The following PSD variants were observed in gnomAD, a reference collection of about 807,000 sequenced individuals.
The protein encoded by PSD is PH and SEC7 domain-containing protein 1.
Under a neutral mutation model 91.6 loss-of-function variants are expected in PSD, and 32 were observed. The ratio of observed to expected loss-of-function variants is 0.35; its 90% CI spans 0.26 to 0.47. The LOEUF is 0.47. PSD is among the 20% of genes least tolerant of loss of function. PSD has a pLI of 1.00. For missense variants in PSD, 1,099 were observed against 1,373.9 expected (o/e 0.80, Z 3.16); for synonymous variants, 532 against 569.3 (o/e 0.93, Z 0.93).
rs577583304 is a variant in PSD at position 102,414,844 on chromosome 10, C to T, written c.1124+19G>A. 2.7e-5 allele frequency: 40 copies of T among 1,487,916 alleles called. No homozygotes were observed. Among genetic ancestry groups the T allele is most frequent in the Non-Finnish European group, 3.3e-5 (37 of 1,123,648 alleles). The allele number at this position is 1,487,916 out of a possible 1,614,324, so 92.2% of individuals were successfully genotyped here. ...AGCCGCTTCCCTCTCCCACTTCCCC[C>T]TCCCACTTCCCCACTCACCGGGCCC... On this transcript the variant is annotated intron_variant, in intron 4 of 16. Transcript: ENST00000020673. The surrounding 1 kb of genome is among the most constrained non-coding windows in gnomAD (Gnocchi z 5.6).
chr10:102,415,274 G>C, intron 3 of PSD, 45 bp from the exon 4 acceptor site: 1 of 1,544,130 alleles, frequency 6.5e-7, no homozygotes, highest in Non-Finnish European at 8.7e-7. Context: ...ATCCACGTCA[G>C]CTCCCTGTCC....
chr10:102,418,903 C>A, upstream of PSD: 1 of 350,018 alleles, frequency 2.9e-6, no homozygotes, highest in Non-Finnish European at 5.8e-6. Flanking sequence ...AGGCTGCCAG[C>A]CCCCCTTGTC....
chr10:102,416,312 A>T lies in PSD; in HGVS notation c.654+73T>A. ...AAGGATTCAGAGTGAACAGCAGACA[A>T]GCCCATGTCTGACAGGAGGCTGAGC... is the stretch of plus-strand genomic sequence containing the variant. On this transcript the variant is annotated intron_variant, in intron 2 of 16. Coordinates refer to ENST00000020673, the MANE Select transcript of PSD (RefSeq NM_002779.5). This position sits in a 1 kb window ranked among gnomAD's most constrained non-coding sequence, Gnocchi z 6.0. The T allele has an allele frequency of 6.7e-7, 1 of 1,491,486 alleles. No individual in the cohort carries two copies. Among genetic ancestry groups the T allele is most frequent in the Non-Finnish European group, 9.1e-7 (1 of 1,096,772 alleles). The allele number at this position is 1,491,486 out of a possible 1,614,324, so 92.4% of individuals were successfully genotyped here. A position where few individuals can be genotyped will look rare whatever the true frequency, so the allele number is the denominator to read the frequency against.
In PSD at chr10:102,404,976, C is replaced by T. The variant is rs1483046473; in HGVS notation, c.2477G>A (p.Arg826His). The T allele has an allele frequency of 3.7e-6, 6 of 1,613,946 alleles. No individual in the cohort carries two copies. Among genetic ancestry groups the T allele is most frequent in the African/African-American group, 1.3e-5 (1 of 74,904 alleles). ...AISIHHALATRASDYSKRPHV... is the reference protein window; with the variant it reads ...AISIHHALATHASDYSKRPHV... ...GGGCCTCTTGCTGTAGTCACTGGCA[C>T]GAGTGGCCAGGGCATGGTGGATGCT... The change falls in exon 14 of 17, where the codon CGT (arginine) becomes CAT (histidine). Residue 826 changes from arginine (R) to histidine (H), a missense_variant. Around this residue, in one of 3 missense-constraint regions of PSD, gnomAD observed 358 missense variants for 426.5 expected, o/e 0.84. Transcript: ENST00000020673. This position sits in a 1 kb window ranked among gnomAD's most constrained non-coding sequence, Gnocchi z 5.7.
rs541790022 is a variant in PSD at position 102,416,590 on chromosome 10, C to G, written c.449G>C (p.Arg150Pro). The part of the protein sequence containing the change: ...ALGPGSNRKL[R>P]LEASTSDPLP... ...TGGGTCTGATGTGGATGCTTCCAGC[C>G]GTAACTTCCGGTTGGAGCCAGGCCC... Residue 150 changes from arginine (R) to proline (P), a missense_variant, in exon 2 of 17, where the codon CGG becomes CCG. Arg to Pro is a moderately radical substitution (Grantham distance 103). Coordinates refer to ENST00000020673, the MANE Select transcript of PSD (RefSeq NM_002779.5). This position sits in a 1 kb window ranked among gnomAD's most constrained non-coding sequence, Gnocchi z 6.0. The G allele has an allele frequency of 2.5e-6, 4 of 1,593,064 alleles. No individual in the cohort carries two copies. Among genetic ancestry groups the G allele is most frequent in the Non-Finnish European group, 3.4e-6 (4 of 1,168,996 alleles).
chr10:102,413,710 A>C, intron 5 of PSD, 59 bp downstream of exon 5: 1 of 1,508,218 alleles, frequency 6.6e-7, no homozygotes, highest in African/African-American at 1.4e-5. Flanking sequence ...TGTCCCTTAC[A>C]GCAGCTGTTT....
chr10:102,414,304 T>A lies in PSD; in HGVS notation c.1125-107A>T. 2 of 1,107,530 alleles carry A rather than the reference T, an allele frequency of 1.8e-6. No individual in the cohort carries two copies. Among genetic ancestry groups the A allele is most frequent in the Non-Finnish European group, 2.6e-6 (2 of 775,414 alleles). The allele number at this position is 1,107,530 out of a possible 1,614,324, so 68.6% of individuals were successfully genotyped here. On this transcript the variant is annotated intron_variant, in intron 4 of 16. Transcript: ENST00000020673. The surrounding 1 kb of genome is among the most constrained non-coding windows in gnomAD (Gnocchi z 5.6). The stretch of plus-strand genomic sequence containing the variant: ...CTGCTAAGGGGATTATCATCCCCTT[T>A]TCACTGGCTCCAGCCCACTAACAAA...
chr10:102,411,912 G>A, intron 7 of PSD, 93 bp from the exon 8 acceptor site: 1 of 981,426 alleles, frequency 1.0e-6, no homozygotes, highest in East Asian at 2.5e-5. Flanking sequence ...ACAGCAGCTG[G>A]GGTGGGAAGG....
chr10:102,418,393 ATACACATACAGATG>A (rs941669676), intron 1 of PSD, among the ~76,000 whole-genome samples: 19 of 152,228 alleles, frequency 1.2e-4, no homozygotes, highest in Admixed American at 2.0e-4. Context: ...TCACAGTCAC[ATACACATACAGATG>A]TACACATACA....
At position 102,405,708 on chromosome 10, in the gene PSD, G is replaced by C. The variant is rs373785270; in HGVS notation, c.2136-172C>G. 1 of 639,084 alleles carries C rather than the reference G, an allele frequency of 1.6e-6. No homozygotes were observed. Among genetic ancestry groups the C allele is most frequent in the East Asian group, 2.8e-5 (1 of 36,324 alleles). The allele number at this position is 639,084 out of a possible 1,614,324, so 39.6% of individuals were successfully genotyped here. ...GATCAGGCCTCCACAATGTGTAGCT[G>C]TGCCTCCTCAGAGCAGGGCACCTCC... On this transcript the variant is annotated intron_variant, in intron 11 of 16. Coordinates refer to ENST00000020673, the MANE Select transcript of PSD (RefSeq NM_002779.5). This position sits in a 1 kb window ranked among gnomAD's most constrained non-coding sequence, Gnocchi z 5.4.
rs924158335 is a variant in PSD, at chr10:102,407,284, C to A, written c.2092-18G>T. The A allele has an allele frequency of 2.3e-5, 36 of 1,552,706 alleles. No homozygotes were observed. The highest frequency in any genetic ancestry group is 3.0e-5 in the Non-Finnish European group (34 of 1,145,094). ...TACAAGGCCTGGGGGGTGGGGGGAACAAATTAGGGGGTTGTGGGTCAGTAC... is the reference window on the plus strand; with the variant it reads ...TACAAGGCCTGGGGGGTGGGGGGAAAAAATTAGGGGGTTGTGGGTCAGTAC... On this transcript the variant is annotated intron_variant, in intron 10 of 16. Transcript: ENST00000020673.
Position 102,403,711 on chromosome 10 carries a change from G to C in PSD, c.2844+131C>G, listed in dbSNP as rs2061315398. ...TGTCAAATGTTATCCTTGTTGCACA[G>C]AGGAGGAAACTGAGGCTTAGGTTAA... On this transcript the variant is annotated intron_variant, in intron 16 of 16. Transcript: ENST00000020673. This position sits in a 1 kb window ranked among gnomAD's most constrained non-coding sequence, Gnocchi z 6.7. 8.3e-7 allele frequency: 1 copy of C among 1,207,758 alleles called. No individual in the cohort carries two copies. The highest frequency in any genetic ancestry group is 1.1e-6 in the Non-Finnish European group (1 of 882,248). 74.8% of individuals were successfully genotyped at this position (1,207,758 alleles called of 1,614,324 possible).
intron 10 of PSD, among the ~76,000 whole-genome samples, chr10:102,408,378 C>T (rs969873589): frequency 6.6e-6 from 1 of 152,216 alleles, no homozygotes; most frequent in Non-Finnish European, 1.5e-5. Flanking sequence ...TGTTCACACC[C>T]TATCTGGGGA....
intron 8 of PSD, 125 bp downstream of exon 8, chr10:102,411,581 TG>T: frequency 2.7e-6 from 2 of 734,976 alleles, no homozygotes. Context: ...CAAGTTCACA[TG>T]CCTACACGCA....
At position 102,410,909 on chromosome 10, in the gene PSD, C is replaced by T. The variant is rs1302761895; in HGVS notation, c.2040G>A (p.Gly680=). Residue 680 remains glycine (G), a synonymous_variant, in exon 10 of 17, where the codon GGG becomes GGA. Coordinates refer to ENST00000020673, the MANE Select transcript of PSD (RefSeq NM_002779.5). The surrounding 1 kb of genome is among the most constrained non-coding windows in gnomAD (Gnocchi z 6.0). The stretch of plus-strand genomic sequence containing the variant: ...CGCCATCATTGAGGCCCTCCAGGTT[C>T]CCGATGAAGTCCCCGCAGGTCATGC... ...GKRMTCGDFI[G]NLEGLNDGGD... is the part of the protein sequence containing the mutation. 8 of 1,613,876 alleles carry T rather than the reference C, an allele frequency of 5.0e-6. No individual in the cohort carries two copies. The highest frequency in any genetic ancestry group is 1.3e-5 in the African/African-American group (1 of 74,912).
At chr10:102,415,312 TGC>T in intron 3 of PSD, 83 bp from the exon 4 acceptor site, 2 of 1,441,884 alleles carry the variant, frequency 1.4e-6, no homozygotes, top group East Asian at 2.4e-5. Context: ...CTCTGCCCAC[TGC>T]CTCATATTGA....
rs1474277498 is a variant in PSD at position 102,409,006 on chromosome 10, G to A, written c.2092-1740C>T. The A allele has an allele frequency of 1.6e-5, 16 of 987,090 alleles. No homozygotes were observed. The highest frequency in any genetic ancestry group is 4.8e-6 in the Non-Finnish European group (4 of 830,108). 61.1% of individuals were successfully genotyped at this position (987,090 alleles called of 1,614,324 possible). On this transcript the variant is annotated intron_variant, in intron 10 of 16. Transcript: ENST00000020673. The surrounding 1 kb of genome is among the most constrained non-coding windows in gnomAD (Gnocchi z 5.7). The stretch of plus-strand genomic sequence containing the variant: ...AGCCGTAGCACAGGGTCTCCGCGCC[G>A]CGGTGGGTGCGCCCGTAGCGCACGG...
chr10:102,413,711 G>A, intron 5 of PSD, 58 bp downstream of exon 5: 1 of 1,509,972 alleles, frequency 6.6e-7, no homozygotes, highest in Non-Finnish European at 9.0e-7. Context: ...GTCCCTTACA[G>A]CAGCTGTTTC....
rs140039700 is a variant in PSD at position 102,414,986 on chromosome 10, C to T, written c.1001G>A (p.Arg334Gln). The T allele has an allele frequency of 1.4e-5, 22 of 1,600,032 alleles. No individual in the cohort carries two copies. Among genetic ancestry groups the T allele is most frequent in the African/African-American group, 1.2e-4 (9 of 74,774 alleles). ...PPGTAYPPAP[R>Q]PGPLPGPHPS... ...ATGAGGGCCAGGGAGTGGGCCGGGC[C>T]GTGGGGCAGGTGGGTAGGCAGTGCC... Residue 334 changes from arginine (R) to glutamine (Q), a missense_variant, in exon 4 of 17, where the codon CGG becomes CAG. Coordinates refer to ENST00000020673, the MANE Select transcript of PSD (RefSeq NM_002779.5). The surrounding 1 kb of genome is among the most constrained non-coding windows in gnomAD (Gnocchi z 5.6).
Sources: allele counts gnomAD v4.1 joint callset (sites outside exome capture counted in the v4.1 genomes callset), GRCh38; gene constraint gnomAD v4.1.1; regional missense constraint gnomAD v4.1.1; non-coding constraint Gnocchi (gnomAD v3.1); transcripts MANE v1.5; gene names NCBI Gene and HGNC (gene_info 2026-07-23, HGNC 2026-07-21).